The following PIK3C2G variants were observed in gnomAD, a reference collection of about 807,000 sequenced individuals.
PIK3C2G encodes the protein phosphatidylinositol 3-kinase C2 domain-containing subunit gamma.
In PIK3C2G, 168 loss-of-function variants were observed where a neutral mutation model predicts 181.1. The observed-to-expected ratio is 0.93, with a 90% CI of 0.82 to 1.05. The LOEUF (loss-of-function observed/expected upper bound fraction) is 1.05, where lower values mean the gene tolerates loss of function less well. PIK3C2G is among the 50% of genes least tolerant of loss of function. The pLI is 0.00. For synonymous variants in PIK3C2G, 573 were observed against 592.2 expected (o/e 0.97, Z 0.47); for missense variants, 1,869 against 1,732.8 (o/e 1.08, Z -1.40).
chr12:18,298,841 A>G (rs1001344204), intron 5 of PIK3C2G, among the ~76,000 whole-genome samples: 5 of 151,904 alleles, frequency 3.3e-5, no homozygotes, highest in Non-Finnish European at 7.4e-5. Flanking sequence ...ATCTTTGTCA[A>G]AAATCACTAG....
At chr12:18,711,314 C>T in the PIK3C2G span, among the ~76,000 whole-genome samples, 21 of 135,994 alleles carry the variant, frequency 1.5e-4, no homozygotes, top group South Asian at 1.4e-3. Context: ...TGTTCTCACT[C>T]ATAGGTGGGA....
intron 32 of PIK3C2G, 44 bp downstream of exon 32, chr12:18,640,598 T>C: frequency 6.5e-7 from 1 of 1,527,942 alleles, no homozygotes; most frequent in Non-Finnish European, 8.8e-7. Context: ...GTATTTTTCT[T>C]ACCATTTTTC....
chr12:18,483,863 C>G (rs929209897), intron 18 of PIK3C2G, among the ~76,000 whole-genome samples: 1 of 152,186 alleles, frequency 6.6e-6, no homozygotes, highest in African/African-American at 2.4e-5. Context: ...ATGTAGGACT[C>G]AGGCTGCAGA....
chr12:18,386,892 T>C (rs547691378), intron 14 of PIK3C2G, among the ~76,000 whole-genome samples: 66 of 152,290 alleles, frequency 4.3e-4, no homozygotes, highest in African/African-American at 1.5e-3. Flanking sequence ...AATATCTGTG[T>C]AAGTGCACTT....
At chr12:18,261,033 T>C (rs936315022), upstream of PIK3C2G, among the ~76,000 whole-genome samples, 1 of 152,166 alleles carries the variant, frequency 6.6e-6, no homozygotes, top group South Asian at 2.1e-4. Context: ...CTTTCTAAAT[T>C]AGAAAAAAAT....
intron 18 of PIK3C2G, among the ~76,000 whole-genome samples, chr12:18,452,992 G>C (rs1452910909): frequency 2.0e-5 from 3 of 152,088 alleles, no homozygotes; most frequent in Non-Finnish European, 2.9e-5. Context: ...CAATTATGTG[G>C]TCTATTTTAG....
chr12:18,455,127 A>G (rs759139230), intron 18 of PIK3C2G, among the ~76,000 whole-genome samples: 6 of 152,228 alleles, frequency 3.9e-5, no homozygotes, highest in Non-Finnish European at 8.8e-5. Flanking sequence ...AAGGATAGCT[A>G]AAGAATATAC....
intron 29 of PIK3C2G, among the ~76,000 whole-genome samples, chr12:18,581,538 T>G (rs547916467): frequency 3.3e-5 from 5 of 152,358 alleles, no homozygotes; most frequent in Non-Finnish European, 5.9e-5. Context: ...TCAGGATGAT[T>G]GCCAACCACT....
At position 18,292,241 on chromosome 12, in the gene PIK3C2G, T is replaced by A. The variant is rs779020353; in HGVS notation, c.919+1229T>A. On this transcript the variant is annotated intron_variant, in intron 4 of 32. Transcript: ENST00000538779. ...AAAAAAAAAAAAATATATATATATA[T>A]ATATATATATATATGGATTTATTAT... Among the ~76,000 whole-genome samples, 204 of 119,496 alleles carry A rather than the reference T, an allele frequency of 1.7e-3. 3 individuals carry two copies. Among genetic ancestry groups the A allele is most frequent in the Non-Finnish European group, 3.0e-3 (166 of 55,408 alleles). 78.4% of individuals were successfully genotyped at this position (119,496 alleles called of 152,430 possible). A position where few individuals can be genotyped will look rare whatever the true frequency, so the allele number is the denominator to read the frequency against.
At chr12:18,327,401 CAT>C (rs1028166562) in intron 8 of PIK3C2G, among the ~76,000 whole-genome samples, 4 of 151,936 alleles carry the variant, frequency 2.6e-5, no homozygotes, top group Admixed American at 6.5e-5. Context: ...GATTATTACA[CAT>C]GATTTGAAAA....
At chr12:18,640,669 G>A in intron 32 of PIK3C2G, 115 bp downstream of exon 32, 1 of 970,568 alleles carries the variant, frequency 1.0e-6, no homozygotes, top group Non-Finnish European at 1.5e-6. Flanking sequence ...ATAAAGGAAA[G>A]ATATTTTCCA....
intron 31 of PIK3C2G, among the ~76,000 whole-genome samples, chr12:18,632,958 T>G (rs936532290): frequency 2.0e-5 from 3 of 152,026 alleles, no homozygotes; most frequent in Non-Finnish European, 4.4e-5. Context: ...ATGAGTCAAG[T>G]TGACACATTA....
chr12:18,533,734 T>C (rs1943682068), intron 24 of PIK3C2G, among the ~76,000 whole-genome samples: 1 of 152,054 alleles, frequency 6.6e-6, no homozygotes, highest in South Asian at 2.1e-4. Flanking sequence ...CTACAGTGTA[T>C]ATCTCCCTGA....
chr12:18,662,877 T>C, the PIK3C2G span, among the ~76,000 whole-genome samples: 1 of 151,994 alleles, frequency 6.6e-6, no homozygotes, highest in African/African-American at 2.4e-5. Context: ...GAGAAAATAC[T>C]TAAAACATTT....
chr12:18,670,259 A>C, the PIK3C2G span, among the ~76,000 whole-genome samples: 1 of 151,902 alleles, frequency 6.6e-6, no homozygotes, highest in Non-Finnish European at 1.5e-5. Flanking sequence ...AGATTGCTAC[A>C]TTTCTCCACA....
chr12:18,629,168 A>G (rs1949234867), intron 31 of PIK3C2G, among the ~76,000 whole-genome samples: 1 of 152,210 alleles, frequency 6.6e-6, no homozygotes, highest in African/African-American at 2.4e-5. Context: ...ATAAATTTTG[A>G]ATAACTTAAT....
chr12:18,704,638 G>A, the PIK3C2G span, among the ~76,000 whole-genome samples: 1 of 151,936 alleles, frequency 6.6e-6, no homozygotes, highest in Non-Finnish European at 1.5e-5. Context: ...TAGAGAGGGA[G>A]TAATAAAGAG....
At chr12:18,561,810 A>G (rs1945360432) in intron 26 of PIK3C2G, among the ~76,000 whole-genome samples, 2 of 152,018 alleles carry the variant, frequency 1.3e-5, no homozygotes, top group Admixed American at 1.3e-4. Context: ...AAAGGAAAAC[A>G]AATCAAAGAA....
At position 18,320,756 on chromosome 12, in the gene PIK3C2G, C is replaced by G. The variant is rs17847814; in HGVS notation, c.1138-206C>G. On this transcript the variant is annotated intron_variant, in intron 6 of 32. Coordinates refer to ENST00000538779, the MANE Select transcript of PIK3C2G (RefSeq NM_001288772.2). Reference sequence around the variant, plus strand: ...AACTATCTTTCAGGTTTATTCTCAACAAAAGCCAAGCTTTCTGTTTTACTT... The same window carrying G: ...AACTATCTTTCAGGTTTATTCTCAAGAAAAGCCAAGCTTTCTGTTTTACTT... Among the ~76,000 whole-genome samples the G allele has an allele frequency of 0.12, 18,668 of 152,194 alleles. 1,385 individuals carry two copies. Among genetic ancestry groups the G allele is most frequent in the East Asian group, 0.22 (1,141 of 5,172 alleles).
Sources: allele counts gnomAD v4.1 joint callset (sites outside exome capture counted in the v4.1 genomes callset), GRCh38; gene constraint gnomAD v4.1.1; transcripts MANE v1.5; gene names NCBI Gene and HGNC (gene_info 2026-07-23, HGNC 2026-07-21).